Variants in KCNK3 observed in about 807,000 individuals in gnomAD.
KCNK3 encodes potassium two pore domain channel subfamily K member 3, also known as potassium channel subfamily K member 3.
KCNK3 carries 9 observed loss-of-function variants against 27.3 expected under a neutral mutation model. That is an observed-to-expected ratio of 0.33 (90% CI 0.20 to 0.57). KCNK3 has a LOEUF of 0.57. Ranked by LOEUF, KCNK3 falls within the 20% of genes least tolerant of loss-of-function variation. The pLI is 0.87. For synonymous variants in KCNK3, 278 were observed against 273.8 expected, an observed-to-expected ratio of 1.02 and a Z score of -0.15; for missense variants, 391 against 577.7, an observed-to-expected ratio of 0.68 and a Z score of 3.31.
chr2:26,705,531 C>A (rs1415412401), intron 1 of KCNK3, among the ~76,000 whole-genome samples: 1 of 152,236 alleles, frequency 6.6e-6, no homozygotes, highest in Non-Finnish European at 1.5e-5. Flanking sequence ...CCAGACTTCC[C>A]AACCTTAACA....
At chr2:26,697,184 C>T (rs948488783) in intron 1 of KCNK3, among the ~76,000 whole-genome samples, 7 of 152,150 alleles carry the variant, frequency 4.6e-5, no homozygotes, top group Non-Finnish European at 4.4e-5. Flanking sequence ...GAATTTTTCA[C>T]GAATTCTTTC....
At chr2:26,709,925 C>T (rs962492069) in intron 1 of KCNK3, among the ~76,000 whole-genome samples, 3 of 152,262 alleles carry the variant, frequency 2.0e-5, no homozygotes, top group African/African-American at 4.8e-5. Context: ...CTTACCCTGC[C>T]GCCGCCTTCC....
chr2:26,702,583 T>C (rs543625381), intron 1 of KCNK3, among the ~76,000 whole-genome samples: 1 of 152,298 alleles, frequency 6.6e-6, no homozygotes, highest in Admixed American at 6.5e-5. Flanking sequence ...CTTGTTAAAA[T>C]TGAAGCTGAC....
rs1305507098 is a variant in KCNK3, at chr2:26,728,922, T to C, written c.*354T>C. The C allele has an allele frequency of 8.4e-6, 2 of 238,104 alleles. No homozygotes were observed. Among genetic ancestry groups the C allele is most frequent in the Admixed American group, 1.1e-4 (2 of 18,060 alleles). The allele number at this position is 238,104 out of a possible 1,614,324, so 14.7% of individuals were successfully genotyped here. A position where few individuals can be genotyped will look rare whatever the true frequency, so the allele number is the denominator to read the frequency against. On this transcript the variant is annotated 3_prime_UTR_variant, in exon 2 of 2. Transcript: ENST00000302909. ...CAGACCCCCACCTTCGGAGGGGACT[T>C]CATGTTCCGTGTACGTTTGCATCTC...
intron 1 of KCNK3, among the ~76,000 whole-genome samples, chr2:26,723,102 G>A (rs1281252105): frequency 1.3e-5 from 2 of 152,216 alleles, no homozygotes; most frequent in African/African-American, 4.8e-5. Flanking sequence ...CAAGCAAGCA[G>A]ACTAGCAGGC....
At chr2:26,726,457 G>A (rs996970820) in intron 1 of KCNK3, among the ~76,000 whole-genome samples, 2 of 152,142 alleles carry the variant, frequency 1.3e-5, no homozygotes, top group African/African-American at 2.4e-5. Flanking sequence ...GAAACATTTG[G>A]TTAAGATTTG....
chr2:26,707,902 T>C (rs1160587137), intron 1 of KCNK3, among the ~76,000 whole-genome samples: 2 of 151,920 alleles, frequency 1.3e-5, no homozygotes, highest in Non-Finnish European at 2.9e-5. Context: ...CGAACTCAGG[T>C]CCCCGACTCT....
At chr2:26,711,575 C>T (rs1663109589) in intron 1 of KCNK3, among the ~76,000 whole-genome samples, 1 of 152,134 alleles carries the variant, frequency 6.6e-6, no homozygotes, top group Non-Finnish European at 1.5e-5. Flanking sequence ...GAGAACCTAG[C>T]TCTGCATTTA....
chr2:26,724,701 G>C, intron 1 of KCNK3: 1 of 759,128 alleles, frequency 1.3e-6, no homozygotes, highest in Non-Finnish European at 1.6e-6. Context: ...ATGAGGTGCT[G>C]CCTGGGATAA....
At chr2:26,722,621 C>T (rs1049514842) in intron 1 of KCNK3, among the ~76,000 whole-genome samples, 1 of 152,244 alleles carries the variant, frequency 6.6e-6, no homozygotes, top group South Asian at 2.1e-4. Context: ...GTATTTCAAA[C>T]ATACAACAAT....
chr2:26,732,452 C>G lies in KCNK3; in HGVS notation c.*3884C>G, dbSNP rs1663557579. On this transcript the variant is annotated 3_prime_UTR_variant, in exon 2 of 2. Transcript: ENST00000302909. Reference sequence around the variant, plus strand: ...AGTAGGGACACTTTCTCCCAGTGCCCACACCGCCCCTCGTTACCCGCATAG... The same window carrying G: ...AGTAGGGACACTTTCTCCCAGTGCCGACACCGCCCCTCGTTACCCGCATAG... 6.6e-6 allele frequency: 1 copy of G among 152,282 alleles called. No homozygotes were observed. The highest frequency in any genetic ancestry group is 6.5e-5 in the Admixed American group (1 of 15,298). 9.4% of individuals were successfully genotyped at this position (152,282 alleles called of 1,614,324 possible). A position where few individuals can be genotyped will look rare whatever the true frequency, so the allele number is the denominator to read the frequency against.
intron 1 of KCNK3, among the ~76,000 whole-genome samples, chr2:26,709,770 T>C (rs974830459): frequency 1.3e-5 from 2 of 152,158 alleles, no homozygotes; most frequent in African/African-American, 4.8e-5. Flanking sequence ...GTTAGCCTTA[T>C]ATCCCTCAAG....
At position 26,721,245 on chromosome 2, in the gene KCNK3, G is replaced by T. The variant is rs1663322928; in HGVS notation, c.284-6422G>T. Among the ~76,000 whole-genome samples the T allele has an allele frequency of 1.3e-5, 2 of 152,112 alleles. No individual in the cohort carries two copies. Among genetic ancestry groups the T allele is most frequent in the South Asian group, 2.1e-4 (1 of 4,828 alleles). ...ATGAGTGCCCAAATACAGGGTGGGG[G>T]CCTGAGAGGGGCAGAGGGAGGAGAG... On this transcript the variant is annotated intron_variant, in intron 1 of 1. Transcript: ENST00000302909. This position sits in a 1 kb window ranked among gnomAD's most constrained non-coding sequence, Gnocchi z 4.3.
Position 26,730,073 on chromosome 2 carries a change from C to A in KCNK3, c.*1505C>A. On this transcript the variant is annotated 3_prime_UTR_variant, in exon 2 of 2. Coordinates refer to ENST00000302909, the MANE Select transcript of KCNK3 (RefSeq NM_002246.3). ...GGAGGCAGCAGCTCTGAATGGGCCC[C>A]TGAGGCTGCACAGGGGCCTTTGTCA... is the stretch of plus-strand genomic sequence containing the variant. 1 of 152,356 alleles carries A rather than the reference C, an allele frequency of 6.6e-6. No individual in the cohort carries two copies. The highest frequency in any genetic ancestry group is 1.5e-5 in the Non-Finnish European group (1 of 68,092). The allele number at this position is 152,356 out of a possible 1,614,324, so 9.4% of individuals were successfully genotyped here.
intron 1 of KCNK3, among the ~76,000 whole-genome samples, chr2:26,699,205 GAGAGAA>G (rs1444570279): frequency 1.5e-5 from 2 of 131,144 alleles, no homozygotes; most frequent in Non-Finnish European, 3.2e-5. Context: ...GAAGGAAAGA[GAGAGAA>G]AGAAAGAAAG....
chr2:26,703,766 A>G (rs1372832997), intron 1 of KCNK3, among the ~76,000 whole-genome samples: 4 of 152,222 alleles, frequency 2.6e-5, no homozygotes, highest in Non-Finnish European at 5.9e-5. Context: ...GCTAAATCCA[A>G]GTACAGTGAC....
In KCNK3 at chr2:26,693,923, A is replaced by ATACACACAGGCACTCACAGGG. The variant is rs1359596920; in HGVS notation, c.283+776_283+796dup. On this transcript the variant is annotated intron_variant, in intron 1 of 1. Transcript: ENST00000302909. This position sits in a 1 kb window ranked among gnomAD's most constrained non-coding sequence, Gnocchi z 5.5. Reference sequence around the variant, plus strand: ...CAGGCATAGGCACACATGCACACAGATACACACAGGCACTCACAGGGTACA... The same window carrying ATACACACAGGCACTCACAGGG: ...CAGGCATAGGCACACATGCACACAGATACACACAGGCACTCACAGGGTACACACAGGCACTCACAGGGTACA... 6.6e-6 allele frequency among the ~76,000 whole-genome samples: 1 copy of ATACACACAGGCACTCACAGGG among 152,118 alleles called. No individual in the cohort carries two copies. Among genetic ancestry groups the ATACACACAGGCACTCACAGGG allele is most frequent in the African/African-American group, 2.4e-5 (1 of 41,410 alleles).
chr2:26,728,213 G>A lies in KCNK3; in HGVS notation c.830G>A (p.Gly277Asp), dbSNP rs757625253. 2.6e-6 allele frequency: 4 copies of A among 1,561,880 alleles called. No individual in the cohort carries two copies. Among genetic ancestry groups the A allele is most frequent in the Non-Finnish European group, 3.5e-6 (4 of 1,153,510 alleles). The change falls in exon 2 of 2, where the codon GGC becomes GAC. Residue 277 changes from glycine (G) to aspartate (D), a missense_variant. Coordinates refer to ENST00000302909, the MANE Select transcript of KCNK3 (RefSeq NM_002246.3). The stretch of plus-strand genomic sequence containing the variant: ...CAGGCGGGCGGCGGCGGAGGGGGTG[G>A]CAGCGCGCACACTACGGACACCGCC... ...NGQAGGGGGG[G>D]SAHTTDTASS...
Position 26,693,076 on chromosome 2 carries a change from G to C in KCNK3, c.201G>C (p.Leu67=), listed in dbSNP as rs1670189999. The change falls in exon 1 of 2, where the codon CTG becomes CTC. Residue 67 remains leucine (L), a synonymous_variant. Transcript: ENST00000302909. This position sits in a 1 kb window ranked among gnomAD's most constrained non-coding sequence, Gnocchi z 5.5. The part of the protein sequence containing the change: ...GGYEELERVV[L]RLKPHKAGVQ... ...ACGAGGAGCTGGAGCGCGTCGTGCT[G>C]CGCCTCAAGCCGCACAAGGCCGGCG... 1.2e-6 allele frequency: 2 copies of C among 1,604,012 alleles called. No individual in the cohort carries two copies. The highest frequency in any genetic ancestry group is 1.7e-6 in the Non-Finnish European group (2 of 1,177,124).
Sources: allele counts gnomAD v4.1 joint callset (sites outside exome capture counted in the v4.1 genomes callset), GRCh38; gene constraint gnomAD v4.1.1; non-coding constraint Gnocchi (gnomAD v3.1); transcripts MANE v1.5; gene names NCBI Gene and HGNC (gene_info 2026-07-23, HGNC 2026-07-21).